The following RCHY1 variants were observed in gnomAD, a reference collection of about 807,000 sequenced individuals.
RCHY1 encodes ring finger and CHY zinc finger domain containing 1, also known as RING finger and CHY zinc finger domain-containing protein 1.
In RCHY1, 21 loss-of-function variants were observed where a neutral mutation model predicts 41.6. That is an observed-to-expected ratio of 0.51 (90% CI 0.36 to 0.73). The LOEUF is 0.73. Among genes scored for constraint, RCHY1 ranks in the 30% least tolerant of loss-of-function variants. RCHY1 has a pLI of 0.00. For missense variants in RCHY1, 265 were observed against 325.3 expected (o/e 0.81, Z 1.43); for synonymous variants, 79 against 102.9 (o/e 0.77, Z 1.41).
In RCHY1 at chr4:75,481,481, T is replaced by A. The variant is rs987431043; in HGVS notation, c.*1057A>T. ...AAGAGGTATATTTAATTCCACTACA[T>A]GAGCCCAAAAAAGTATTATGAAATC... On this transcript the variant is annotated 3_prime_UTR_variant, in exon 9 of 9. Coordinates refer to ENST00000324439, the MANE Select transcript of RCHY1 (RefSeq NM_015436.4). The A allele has an allele frequency of 1.3e-5, 2 of 152,204 alleles. No individual in the cohort carries two copies. The highest frequency in any genetic ancestry group is 2.9e-5 in the Non-Finnish European group (2 of 68,032). The allele number at this position is 152,204 out of a possible 1,614,324, so 9.4% of individuals were successfully genotyped here.
chr4:75,488,790 C>T (rs529845799), intron 8 of RCHY1, among the ~76,000 whole-genome samples: 21 of 152,084 alleles, frequency 1.4e-4, no homozygotes, highest in Non-Finnish European at 2.5e-4. Flanking sequence ...GTTCTGCATT[C>T]CAGCCAGGCA....
At chr4:75,507,136 G>C (rs958415097) in intron 3 of RCHY1, among the ~76,000 whole-genome samples, 5 of 151,938 alleles carry the variant, frequency 3.3e-5, no homozygotes, top group Middle Eastern at 3.2e-3. Flanking sequence ...AAACACTAAA[G>C]ACAATTCTTT....
chr4:75,508,789 C>A, intron 3 of RCHY1, 31 bp downstream of exon 3: 1 of 1,252,018 alleles, frequency 8.0e-7, no homozygotes, highest in Non-Finnish European at 1.1e-6. Flanking sequence ...ACATTAGAAG[C>A]AATTAGATAA....
Position 75,479,177 on chromosome 4 carries a change from T to G in RCHY1, c.*3361A>C, listed in dbSNP as rs1226636496. 2.0e-5 allele frequency: 3 copies of G among 152,112 alleles called. No individual in the cohort carries two copies. Among genetic ancestry groups the G allele is most frequent in the African/African-American group, 7.2e-5 (3 of 41,442 alleles). 9.4% of individuals were successfully genotyped at this position (152,112 alleles called of 1,614,324 possible). ...AAAAAATGGTATGAGGCAATAAATT[T>G]ATTACATTGATTTAATCATTCTACA... On this transcript the variant is annotated 3_prime_UTR_variant, in exon 9 of 9. Coordinates refer to ENST00000324439, the MANE Select transcript of RCHY1 (RefSeq NM_015436.4).
At chr4:75,514,495 G>C (rs751362163), upstream of RCHY1, 6 of 532,176 alleles carry the variant, frequency 1.1e-5, no homozygotes, top group Non-Finnish European at 2.0e-5. Flanking sequence ...CGTCGTTGAC[G>C]TTAGTCGCAG....
chr4:75,509,373 T>C (rs1724659091), intron 1 of RCHY1, 77 bp from the exon 2 acceptor site: 1 of 1,344,380 alleles, frequency 7.4e-7, no homozygotes, highest in Non-Finnish European at 1.0e-6. Flanking sequence ...GAAAATTTCT[T>C]CCTCCTCCTC....
intron 3 of RCHY1, among the ~76,000 whole-genome samples, chr4:75,497,608 T>C (rs1188199805): frequency 6.6e-6 from 1 of 152,174 alleles, no homozygotes; most frequent in Non-Finnish European, 1.5e-5. Flanking sequence ...ATTTAAACTC[T>C]GTTAAGTTTA....
At position 75,502,977 on chromosome 4, in the gene RCHY1, G is replaced by GA. The variant is rs76244619; in HGVS notation, c.326+5842dup. ...CAGAATTTTTCATTTTTCACAAATA[G>GA]AAAAAAAAAAAGGAAAATTTAGACA... On this transcript the variant is annotated intron_variant, in intron 3 of 8. Transcript: ENST00000324439. 8.7e-3 allele frequency among the ~76,000 whole-genome samples: 1,168 copies of GA among 134,326 alleles called. 9 individuals carry two copies. The highest frequency in any genetic ancestry group is 0.029 in the African/African-American group (1,073 of 36,620). 88.1% of individuals were successfully genotyped at this position (134,326 alleles called of 152,430 possible).
At chr4:75,492,713 A>G (rs1258023874) in intron 4 of RCHY1, among the ~76,000 whole-genome samples, 4 of 151,912 alleles carry the variant, frequency 2.6e-5, no homozygotes, top group East Asian at 1.9e-4. Flanking sequence ...AAAAAAAACC[A>G]TAACAAAAAA....
chr4:75,513,176 A>C (rs1725121664), intron 1 of RCHY1, among the ~76,000 whole-genome samples: 1 of 152,160 alleles, frequency 6.6e-6, no homozygotes, highest in African/African-American at 2.4e-5. Context: ...TCAAGCCATG[A>C]CCTATAGAAA....
intron 3 of RCHY1, among the ~76,000 whole-genome samples, chr4:75,506,716 A>G (rs80036361): frequency 0.025 from 3,779 of 152,122 alleles, 70 homozygotes; most frequent in Non-Finnish European, 0.039. Flanking sequence ...AAAACGGTAC[A>G]GAAACATTAT....
chr4:75,484,341 GA>G (rs1231735670), intron 8 of RCHY1, among the ~76,000 whole-genome samples: 2 of 152,078 alleles, frequency 1.3e-5, no homozygotes, highest in Non-Finnish European at 2.9e-5. Flanking sequence ...TTTTCTATCT[GA>G]ACTGAATTCA....
intron 3 of RCHY1, among the ~76,000 whole-genome samples, chr4:75,508,536 T>C (rs1287488142): frequency 6.6e-6 from 1 of 152,134 alleles, no homozygotes; most frequent in Admixed American, 6.5e-5. Flanking sequence ...ATATAAAACA[T>C]ATTTTATAAT....
intron 8 of RCHY1, among the ~76,000 whole-genome samples, chr4:75,489,407 T>G (rs543389865): frequency 1.3e-5 from 2 of 152,214 alleles, no homozygotes; most frequent in Non-Finnish European, 2.9e-5. Context: ...AATGTGTTTC[T>G]CTCATGGGAC....
intron 1 of RCHY1, among the ~76,000 whole-genome samples, chr4:75,513,616 A>G (rs1037143538): frequency 2.0e-5 from 3 of 152,198 alleles, no homozygotes; most frequent in Non-Finnish European, 4.4e-5. Flanking sequence ...AAAAAAAAAT[A>G]CAGATTAAGA....
intron 3 of RCHY1, among the ~76,000 whole-genome samples, chr4:75,498,730 T>TAC (rs1184788461): frequency 1.3e-5 from 2 of 151,960 alleles, no homozygotes; most frequent in African/African-American, 4.8e-5. Flanking sequence ...AAAAACAGGA[T>TAC]ACCATATGCA....
intron 1 of RCHY1, among the ~76,000 whole-genome samples, chr4:75,512,472 T>A (rs528418182): frequency 1.8e-4 from 27 of 152,296 alleles, no homozygotes; most frequent in African/African-American, 5.3e-4. Flanking sequence ...ACTTGTGCAC[T>A]GGATTTCATC....
At chr4:75,489,703 G>C (rs1722579132) in intron 8 of RCHY1, among the ~76,000 whole-genome samples, 1 of 152,184 alleles carries the variant, frequency 6.6e-6, no homozygotes, top group Non-Finnish European at 1.5e-5. Context: ...ATGCCGCAAG[G>C]CTTTTATGCA....
At chr4:75,495,061 T>TATCAATG (rs1723072017) in intron 3 of RCHY1, among the ~76,000 whole-genome samples, 2 of 152,030 alleles carry the variant, frequency 1.3e-5, no homozygotes, top group South Asian at 4.1e-4. Flanking sequence ...ATATAATGAA[T>TATCAATG]ATCAATGTTT....
Sources: gnomAD v4.1 joint callset for allele counts (sites outside exome capture counted in the v4.1 genomes callset) on GRCh38, gnomAD v4.1.1 for gene constraint, MANE v1.5 for transcripts, NCBI Gene and HGNC (gene_info 2026-07-23, HGNC 2026-07-21) for gene names.